Variants in LARS1 observed in about 807,000 individuals in gnomAD.
LARS1 encodes the protein leucyl-tRNA synthetase 1.
A neutral mutation model predicts 162.8 loss-of-function variants in LARS1; 100 were observed. That is an observed-to-expected ratio of 0.61 (90% CI 0.52 to 0.73). The LOEUF (loss-of-function observed/expected upper bound fraction) is 0.73. Ranked by LOEUF, LARS1 falls within the 30% of genes least tolerant of loss-of-function variation. The pLI is 0.00. For synonymous variants in LARS1, 457 were observed against 462.8 expected, an observed-to-expected ratio of 0.99 and a Z score of 0.16; for missense variants, 1,258 against 1,408.9, an observed-to-expected ratio of 0.89 and a Z score of 1.71.
At chr5:146,175,209 G>A (rs995501581) in intron 2 of LARS1, among the ~76,000 whole-genome samples, 2 of 148,792 alleles carry the variant, frequency 1.3e-5, no homozygotes, top group Non-Finnish European at 3.0e-5. Flanking sequence ...ACAGAGGCTC[G>A]CTCCATCTGA....
intron 5 of LARS1, among the ~76,000 whole-genome samples, chr5:146,167,434 C>T (rs985391862): frequency 2.7e-5 from 4 of 150,850 alleles, no homozygotes; most frequent in East Asian, 1.9e-4. Context: ...GACAGAGTCT[C>T]GCTCTGTTGC....
At position 146,130,134 on chromosome 5, in the gene LARS1, A is replaced by G. The variant is rs200503223; in HGVS notation, c.2512T>C (p.Leu838=). 18 of 1,613,804 alleles carry G rather than the reference A, an allele frequency of 1.1e-5. No individual in the cohort carries two copies. Among genetic ancestry groups the G allele is most frequent in the Middle Eastern group, 1.6e-4 (1 of 6,062 alleles). Residue 838 remains leucine, a synonymous_variant, in exon 25 of 32, where the codon TTG becomes CTG. Coordinates refer to ENST00000394434, the MANE Select transcript of LARS1 (RefSeq NM_020117.11). ...TCTCTGTGCATCCCTTCCACAGCCA[A>G]TTCACGGTACTTATCTTTTGCGGCC... ...FQAAKDKYRE[L]AVEGMHRELV...
chr5:146,131,490 T>G lies in LARS1; in HGVS notation c.2397-381A>C, dbSNP rs924010452. Reference sequence around the variant, plus strand: ...CCTAACTAAGGTTGTAGCCAAGTTTTTTTTTTTTTTTTTTTTTTTTTTTGA... The same window carrying G: ...CCTAACTAAGGTTGTAGCCAAGTTTGTTTTTTTTTTTTTTTTTTTTTTTGA... On this transcript the variant is annotated intron_variant, in intron 23 of 31. Transcript: ENST00000394434. 3.3e-4 allele frequency: 48 copies of G among 143,344 alleles called. 1 individual carries two copies. In the East Asian group the frequency reaches 3.6e-3, roughly 11 times the overall value. 8.9% of individuals were successfully genotyped at this position (143,344 alleles called of 1,614,324 possible). A position where few individuals can be genotyped will look rare whatever the true frequency, so the allele number is the denominator to read the frequency against.
In LARS1 at chr5:146,153,945, T is replaced by A; in HGVS notation, c.1101A>T (p.Thr367=). Residue 367 remains threonine (T), a synonymous_variant, in exon 11 of 32, where the codon ACA becomes ACT. Coordinates refer to ENST00000394434, the MANE Select transcript of LARS1 (RefSeq NM_020117.11). ...GGAGAACATAGATCACCTTGTATGA[T>A]GTTAAAGGTGCAGAAAGTGATGCAC... ...ILGASLSAPL[T]SYKVIYVLPM... 6.2e-7 allele frequency: 1 copy of A among 1,611,288 alleles called. No individual in the cohort carries two copies. Among genetic ancestry groups the A allele is most frequent in the Non-Finnish European group, 8.5e-7 (1 of 1,179,256 alleles).
At chr5:146,162,131 C>T (rs1753805819) in intron 6 of LARS1, among the ~76,000 whole-genome samples, 3 of 152,182 alleles carry the variant, frequency 2.0e-5, no homozygotes, top group South Asian at 4.1e-4. Context: ...GACCTCTTCC[C>T]ATGAATCATG....
intron 26 of LARS1, 56 bp from the exon 27 acceptor site, chr5:146,128,838 A>C: frequency 6.7e-7 from 1 of 1,494,852 alleles, no homozygotes; most frequent in Admixed American, 2.1e-5. Flanking sequence ...ACCAAAAATG[A>C]GAAGAACCCT....
Position 146,153,746 on chromosome 5 carries a change from C to T in LARS1, c.1218G>A (p.Leu406=). 6.2e-7 allele frequency: 1 copy of T among 1,613,616 alleles called. No individual in the cohort carries two copies. Among genetic ancestry groups the T allele is most frequent in the East Asian group, 2.2e-5 (1 of 44,848 alleles). The part of the protein sequence containing the change: ...SPDDIAALRD[L]KKKQALRAKY... ...CTCAGATACTTACTTGCTTTTTCTT[C>T]AAGTCTCTGAGGGCAGCAATATCAT... Residue 406 remains leucine (L), a synonymous_variant, in exon 12 of 32, where the codon TTG becomes TTA. Transcript: ENST00000394434.
intron 29 of LARS1, 121 bp downstream of exon 29, chr5:146,123,861 T>C (rs1751934698): frequency 4.1e-6 from 2 of 489,024 alleles, no homozygotes; most frequent in Non-Finnish European, 7.0e-6. Flanking sequence ...TCGACTAATA[T>C]ATTTAACAAA....
intron 1 of LARS1, among the ~76,000 whole-genome samples, chr5:146,181,425 C>T (rs138493989): frequency 8.7e-4 from 133 of 152,174 alleles, no homozygotes; most frequent in African/African-American, 3.1e-3. Flanking sequence ...CCTGTAGTCC[C>T]AGCACTTTCG....
chr5:146,141,693 C>G lies in LARS1; in HGVS notation c.2090+1179G>C, dbSNP rs571976514. Among the ~76,000 whole-genome samples the G allele has an allele frequency of 2.0e-5, 3 of 152,178 alleles. No individual in the cohort carries two copies. In the East Asian group the frequency reaches 5.8e-4, roughly 30 times the overall value. ...GGTGACATGTGGCTAGTCCCAGCTA[C>G]TCGGAAGTGTGAGGATCACGTGAGT... On this transcript the variant is annotated intron_variant, in intron 20 of 31. Coordinates refer to ENST00000394434, the MANE Select transcript of LARS1 (RefSeq NM_020117.11).
intron 15 of LARS1, 83 bp from the exon 16 acceptor site, chr5:146,144,792 A>T (rs973789661): frequency 2.5e-6 from 3 of 1,220,582 alleles, no homozygotes; most frequent in Admixed American, 3.8e-5. Flanking sequence ...CTTTAAAAAA[A>T]TGCTATACCA....
In LARS1 at chr5:146,182,286, T is replaced by C. The variant is rs531968574; in HGVS notation, c.6+202A>G. On this transcript the variant is annotated intron_variant, in intron 1 of 31. Coordinates refer to ENST00000394434, the MANE Select transcript of LARS1 (RefSeq NM_020117.11). ...CTCCAGAGAAATAACAAATATGATA[T>C]CCAAGTACTCCGTAAAGTTAACAGA... The C allele has an allele frequency of 5.2e-4, 351 of 668,976 alleles. 2 individuals carry two copies. The African/African-American group carries it at 6.0e-3, about 11-fold the overall frequency. 41.4% of individuals were successfully genotyped at this position (668,976 alleles called of 1,614,324 possible).
At chr5:146,137,191 C>T (rs1296401783) in intron 21 of LARS1, among the ~76,000 whole-genome samples, 1 of 152,252 alleles carries the variant, frequency 6.6e-6, no homozygotes, top group Non-Finnish European at 1.5e-5. Context: ...AGTCACCGCG[C>T]CCAGTCCCCT....
intron 27 of LARS1, among the ~76,000 whole-genome samples, chr5:146,126,875 A>G (rs1457718489): frequency 6.6e-6 from 1 of 152,136 alleles, no homozygotes; most frequent in East Asian, 1.9e-4. Context: ...GTCATATTAA[A>G]ATAAAAAATT....
At chr5:146,119,839 C>G (rs944419182) in intron 31 of LARS1, among the ~76,000 whole-genome samples, 3 of 152,208 alleles carry the variant, frequency 2.0e-5, no homozygotes, top group Middle Eastern at 3.4e-3. Flanking sequence ...GCTAAACAAA[C>G]TTTGCAAGTT....
intron 5 of LARS1, among the ~76,000 whole-genome samples, chr5:146,166,043 C>T (rs949489505): frequency 6.6e-6 from 1 of 152,168 alleles, no homozygotes; most frequent in African/African-American, 2.4e-5. Flanking sequence ...GCTTAGCAGA[C>T]ATAAATATAT....
intron 10 of LARS1, among the ~76,000 whole-genome samples, chr5:146,155,033 G>A (rs1164706337): frequency 1.3e-5 from 2 of 151,856 alleles, no homozygotes; most frequent in Non-Finnish European, 2.9e-5. Context: ...TGTATTTTTA[G>A]TAGAGACAGG....
In LARS1 at chr5:146,164,441, T is replaced by C. The variant is rs1349579556; in HGVS notation, c.463A>G (p.Lys155Glu). The C allele has an allele frequency of 2.5e-6, 4 of 1,613,946 alleles. No individual in the cohort carries two copies. Among genetic ancestry groups the C allele is most frequent in the Non-Finnish European group, 3.4e-6 (4 of 1,179,980 alleles). The change falls in exon 6 of 32, where the codon AAA (lysine) becomes GAA (glutamate). Residue 155 changes from lysine (K) to glutamate (E), a missense_variant. By Grantham distance (56) the Lys-to-Glu change is moderately conservative. Transcript: ENST00000394434. ...GATTTCATAATGCCCCACTGGTATT[T>C]AGAAGATCCAGCTTTAGCAGCAGCT... is the stretch of plus-strand genomic sequence containing the variant. ...SKAAAKAGSS[K>E]YQWGIMKSLG...
At chr5:146,164,169 C>G in intron 6 of LARS1, 141 bp downstream of exon 6, 1 of 733,856 alleles carries the variant, frequency 1.4e-6, no homozygotes, top group Non-Finnish European at 2.3e-6. Context: ...AAAAATGGTG[C>G]CACTAGACTT....
Sources: allele counts gnomAD v4.1 joint callset (sites outside exome capture counted in the v4.1 genomes callset), GRCh38; gene constraint gnomAD v4.1.1; transcripts MANE v1.5; gene names NCBI Gene and HGNC (gene_info 2026-07-23, HGNC 2026-07-21).